LRRC4C: variants seen among roughly 807,000 people sequenced by gnomAD.
The protein encoded by LRRC4C is leucine rich repeat containing 4C, also known as leucine-rich repeat-containing protein 4C.
In LRRC4C, 5 loss-of-function variants were observed where a neutral mutation model predicts 33.6. The ratio of observed to expected loss-of-function variants is 0.15; its 90% CI spans 0.08 to 0.31. The LOEUF is 0.31. Ranked by LOEUF, LRRC4C falls within the 10% of genes least tolerant of loss-of-function variation. The pLI, the probability that LRRC4C is intolerant of heterozygous loss-of-function variation, is 1.00. For synonymous variants in LRRC4C, 329 were observed against 302.0 expected, an observed-to-expected ratio of 1.09 and a Z score of -0.93; for missense variants, 560 against 796.7, an observed-to-expected ratio of 0.70 and a Z score of 3.58.
At chr11:41,423,987 CA>C in intron 1 of LRRC4C, 1 of 152,226 alleles carries the variant, frequency 6.6e-6, no homozygotes, top group Non-Finnish European at 1.5e-5. Context: ...ACTGTAAGTC[CA>C]AAAACCCTCT....
At chr11:41,077,082 C>T (rs901385665) in intron 1 of LRRC4C, among the ~76,000 whole-genome samples, 1 of 152,214 alleles carries the variant, frequency 6.6e-6, no homozygotes, top group Non-Finnish European at 1.5e-5. Flanking sequence ...CTCACATGCC[C>T]TTGTGCAGCT....
At chr11:41,451,738 C>T (rs781337969) in intron 1 of LRRC4C, among the ~76,000 whole-genome samples, 1 of 152,126 alleles carries the variant, frequency 6.6e-6, no homozygotes, top group Non-Finnish European at 1.5e-5. Flanking sequence ...TATATCTGCT[C>T]TTACTTGGGC....
At chr11:40,687,220 A>G (rs1945005166) in intron 2 of LRRC4C, among the ~76,000 whole-genome samples, 1 of 152,138 alleles carries the variant, frequency 6.6e-6, no homozygotes, top group African/African-American at 2.4e-5. Context: ...CAACTGGCAA[A>G]TAATGGAGCT....
chr11:40,361,096 C>T (rs1947927086), intron 3 of LRRC4C, among the ~76,000 whole-genome samples: 1 of 152,096 alleles, frequency 6.6e-6, no homozygotes, highest in Non-Finnish European at 1.5e-5. Flanking sequence ...GAACATACAT[C>T]AAAATAATAA....
intron 3 of LRRC4C, among the ~76,000 whole-genome samples, chr11:40,458,875 T>A (rs1036871837): frequency 6.6e-6 from 1 of 152,140 alleles, no homozygotes; most frequent in African/African-American, 2.4e-5. Flanking sequence ...TATTTGTATA[T>A]CCTACTACAA....
chr11:41,177,808 C>T (rs1281501753), intron 1 of LRRC4C, among the ~76,000 whole-genome samples: 4 of 152,250 alleles, frequency 2.6e-5, no homozygotes, highest in African/African-American at 9.6e-5. Context: ...ATCACATCGC[C>T]CACTACTAAA....
chr11:40,828,233 A>G lies in LRRC4C; in HGVS notation c.-407+105402T>C, dbSNP rs575914727. On this transcript the variant is annotated intron_variant, in intron 2 of 6. Transcript: ENST00000528697. ...ATAAGTATATATTATATACATACAC[A>G]TATATGCATATGGGTAATGCAACAT... Among the ~76,000 whole-genome samples the G allele has an allele frequency of 5.3e-5, 8 of 151,724 alleles. No individual in the cohort carries two copies. The South Asian group carries it at 1.7e-3, about 31-fold the overall frequency.
Position 40,574,618 on chromosome 11 carries a change from C to T in LRRC4C, c.-270+73524G>A, listed in dbSNP as rs532647110. Among the ~76,000 whole-genome samples, 5 of 152,284 alleles carry T rather than the reference C, an allele frequency of 3.3e-5. No homozygotes were observed. In the East Asian group the frequency reaches 9.7e-4, roughly 29 times the overall value. ...AATACAATGTATTCAAACCTCCTAT[C>T]TTGACAAATGTCCCTTTATATAAGT... is the stretch of plus-strand genomic sequence containing the variant. On this transcript the variant is annotated intron_variant, in intron 3 of 6. Transcript: ENST00000528697.
At position 41,069,621 on chromosome 11, in the gene LRRC4C, C is replaced by T. The variant is rs571651011; in HGVS notation, c.-495-135898G>A. 1.3e-4 allele frequency among the ~76,000 whole-genome samples: 20 copies of T among 152,130 alleles called. No homozygotes were observed. In the South Asian group the frequency reaches 3.5e-3, roughly 27 times the overall value. On this transcript the variant is annotated intron_variant, in intron 1 of 6. Transcript: ENST00000528697. ...AATCACAAGCATTCCTACCTACCAA[C>T]AATACACAAGCAGAGAGCCAAATCA...
intron 1 of LRRC4C, among the ~76,000 whole-genome samples, chr11:41,240,639 G>A (rs928623681): frequency 1.3e-5 from 2 of 152,204 alleles, no homozygotes; most frequent in Admixed American, 6.5e-5. Context: ...TTGCATAAGT[G>A]GATTCTTAAT....
intron 3 of LRRC4C, among the ~76,000 whole-genome samples, chr11:40,357,711 G>A (rs1037622000): frequency 6.6e-6 from 1 of 151,978 alleles, no homozygotes; most frequent in African/African-American, 2.4e-5. Context: ...GAGTCATGGA[G>A]GTATATTCAA....
intron 2 of LRRC4C, among the ~76,000 whole-genome samples, chr11:40,753,111 T>TTA (rs1203685391): frequency 3.9e-5 from 6 of 151,932 alleles, no homozygotes; most frequent in Middle Eastern, 3.4e-3. Flanking sequence ...GAATAGAATA[T>TTA]TATATATATA....
intron 6 of LRRC4C, among the ~76,000 whole-genome samples, chr11:40,118,019 T>G (rs1362770810): frequency 1.3e-5 from 2 of 149,068 alleles, no homozygotes; most frequent in Non-Finnish European, 3.0e-5. Flanking sequence ...ATATTAAATA[T>G]TAATTTCATT....
At position 40,647,727 on chromosome 11, in the gene LRRC4C, C is replaced by A. The variant is rs186313208; in HGVS notation, c.-270+415G>T. On this transcript the variant is annotated intron_variant, in intron 3 of 6. Coordinates refer to ENST00000528697, the MANE Select transcript of LRRC4C (RefSeq NM_001258419.2). ...CCATATTAATGATTGAACCACTGCC[C>A]CAGTTTCAAAGAAAAGGAGCTGGGG... 3.4e-3 allele frequency among the ~76,000 whole-genome samples: 525 copies of A among 152,282 alleles called. 4 individuals are homozygous for A. Among genetic ancestry groups the A allele is most frequent in the African/African-American group, 0.012 (499 of 41,540 alleles).
At chr11:41,269,614 T>C (rs1565534189) in intron 1 of LRRC4C, among the ~76,000 whole-genome samples, 1 of 152,010 alleles carries the variant, frequency 6.6e-6, no homozygotes, top group African/African-American at 2.4e-5. Flanking sequence ...ACACGGTCGA[T>C]TGTCTTGGTC....
chr11:41,281,405 G>A (rs148516586), intron 1 of LRRC4C, among the ~76,000 whole-genome samples: 1 of 152,260 alleles, frequency 6.6e-6, no homozygotes, highest in African/African-American at 2.4e-5. Flanking sequence ...TCTGGAAATA[G>A]ACTACATAGC....
chr11:40,914,410 C>T (rs767211365), intron 2 of LRRC4C, among the ~76,000 whole-genome samples: 10 of 152,218 alleles, frequency 6.6e-5, no homozygotes, highest in South Asian at 2.1e-4. Flanking sequence ...AATCAATAAA[C>T]GTAATCCAGA....
chr11:41,272,410 G>A (rs919244378), intron 1 of LRRC4C, among the ~76,000 whole-genome samples: 1 of 152,054 alleles, frequency 6.6e-6, no homozygotes, highest in African/African-American at 2.4e-5. Flanking sequence ...ACTATGTTTA[G>A]CATTTCTGGA....
chr11:40,173,249 C>A (rs954559991), intron 5 of LRRC4C, among the ~76,000 whole-genome samples: 3 of 152,132 alleles, frequency 2.0e-5, no homozygotes, highest in Non-Finnish European at 4.4e-5. Flanking sequence ...GAAATTAATG[C>A]TATGTTTTCA....
Sources: allele counts gnomAD v4.1 joint callset (sites outside exome capture counted in the v4.1 genomes callset), GRCh38; gene constraint gnomAD v4.1.1; transcripts MANE v1.5; gene names NCBI Gene and HGNC (gene_info 2026-07-23, HGNC 2026-07-21).